Variants in PHLPP1 observed in about 807,000 individuals in gnomAD.
PHLPP1 encodes PH domain and leucine rich repeat protein phosphatase 1.
In PHLPP1, 42 loss-of-function variants were observed where a neutral mutation model predicts 117.2. That is an observed-to-expected ratio of 0.36 (90% confidence interval 0.28 to 0.46). The LOEUF (loss-of-function observed/expected upper bound fraction) is 0.46. Ranked by LOEUF, PHLPP1 falls within the 20% of genes least tolerant of loss-of-function variation. The pLI is 1.00. For missense variants in PHLPP1, 2,084 were observed against 2,241.9 expected, an observed-to-expected ratio of 0.93 and a Z score of 1.42; for synonymous variants, 1,042 against 970.7, an observed-to-expected ratio of 1.07 and a Z score of -1.37.
At position 62,716,731 on chromosome 18, in the gene PHLPP1, T is replaced by C. The variant is rs1910754653; in HGVS notation, c.1048T>C (p.Phe350Leu). ...GCCTGTGGTCTCCGACACCGAGAGC[T>C]TCAGTCTGAGTCCCAGCGCCGAGAG... ...PRPVVSDTES[F>L]SLSPSAESVS... is the part of the protein sequence containing the mutation. Residue 350 changes from phenylalanine (F) to leucine (L), a missense_variant, in exon 1 of 17, where the codon TTC (phenylalanine) becomes CTC (leucine). Physicochemically the swap from Phe to Leu is conservative, Grantham distance 22. Around this residue, in one of 2 missense-constraint regions of PHLPP1, gnomAD observed 719 missense variants for 636.0 expected, o/e 1.13. Coordinates refer to ENST00000262719, the MANE Select transcript of PHLPP1 (RefSeq NM_194449.4). The surrounding 1 kb of genome is among the most constrained non-coding windows in gnomAD (Gnocchi z 5.7). 5 of 1,508,734 alleles carry C rather than the reference T, an allele frequency of 3.3e-6. No homozygotes were observed. The East Asian group carries it at 1.1e-4, about 33-fold the overall frequency. 93.5% of individuals were successfully genotyped at this position (1,508,734 alleles called of 1,614,324 possible). A position where few individuals can be genotyped will look rare whatever the true frequency, so the allele number is the denominator to read the frequency against.
chr18:62,956,343 G>A (rs1460648101), intron 12 of PHLPP1, among the ~76,000 whole-genome samples: 1 of 152,138 alleles, frequency 6.6e-6, no homozygotes, highest in Non-Finnish European at 1.5e-5. Context: ...AGCTGACTGG[G>A]CCTGTTTTAT....
At chr18:62,892,082 C>CTTTTTTTTTTT (rs200141250) in intron 4 of PHLPP1, among the ~76,000 whole-genome samples, 8 of 107,968 alleles carry the variant, frequency 7.4e-5, no homozygotes, top group African/African-American at 2.8e-4. Flanking sequence ...TTCTTTCTTT[C>CTTTTTTTTTTT]TTTTTTTTTT....
chr18:62,797,192 T>C (rs1913652199), intron 1 of PHLPP1, among the ~76,000 whole-genome samples: 1 of 152,220 alleles, frequency 6.6e-6, no homozygotes, highest in Non-Finnish European at 1.5e-5. Context: ...ACCAAAACTT[T>C]TTTTATTCCT....
At chr18:62,942,344 G>A (rs1172908323) in intron 11 of PHLPP1, among the ~76,000 whole-genome samples, 2 of 152,084 alleles carry the variant, frequency 1.3e-5, no homozygotes, top group Non-Finnish European at 2.9e-5. Flanking sequence ...AACATAGTGA[G>A]ACCCTATCTA....
At chr18:62,873,241 AG>A (rs1159737112) in intron 4 of PHLPP1, among the ~76,000 whole-genome samples, 1 of 152,222 alleles carries the variant, frequency 6.6e-6, no homozygotes, top group East Asian at 1.9e-4. Context: ...GTGTGTTTCC[AG>A]TAACTTTGTC....
rs1313295576 is a variant in PHLPP1 at position 62,716,099 on chromosome 18, C to T, written c.416C>T (p.Ser139Leu). 7 of 1,498,808 alleles carry T rather than the reference C, an allele frequency of 4.7e-6. No individual in the cohort carries two copies. Among genetic ancestry groups the T allele is most frequent in the South Asian group, 1.3e-5 (1 of 79,896 alleles). The allele number at this position is 1,498,808 out of a possible 1,614,324, so 92.8% of individuals were successfully genotyped here. A position where few individuals can be genotyped will look rare whatever the true frequency, so the allele number is the denominator to read the frequency against. Reference sequence around the variant, plus strand: ...TCCGCGGCCGCCGCGGCCGCCTCCTCGTCGTCGTCGTCCTCGGCCGCTGCT... The same window carrying T: ...TCCGCGGCCGCCGCGGCCGCCTCCTTGTCGTCGTCGTCCTCGGCCGCTGCT... The part of the protein sequence containing the change: ...NLSAAAAAAS[S>L]SSSSSAAAAS... The change falls in exon 1 of 17, where the codon TCG becomes TTG. Residue 139 changes from serine to leucine, a missense_variant. By Grantham distance (145) the Ser-to-Leu change is moderately radical. Coordinates refer to ENST00000262719, the MANE Select transcript of PHLPP1 (RefSeq NM_194449.4). The surrounding 1 kb of genome is among the most constrained non-coding windows in gnomAD (Gnocchi z 5.7).
At chr18:62,785,953 T>C (rs750815572) in intron 1 of PHLPP1, among the ~76,000 whole-genome samples, 21 of 152,212 alleles carry the variant, frequency 1.4e-4, no homozygotes, top group Non-Finnish European at 2.4e-4. Flanking sequence ...CATAGGGAGA[T>C]GACTACTTCC....
In PHLPP1 at chr18:62,717,155, A is replaced by G. The variant is rs779516167; in HGVS notation, c.1472A>G (p.Gln491Arg). 6.8e-6 allele frequency: 11 copies of G among 1,611,930 alleles called. No individual in the cohort carries two copies. Among genetic ancestry groups the G allele is most frequent in the Non-Finnish European group, 9.3e-6 (11 of 1,179,220 alleles). ...RRLEAEEKPL[Q>R]IQNDYLFQLG... is the part of the protein sequence containing the mutation. The stretch of plus-strand genomic sequence containing the variant: ...TTGGAGGCGGAGGAGAAGCCATTGC[A>G]GATCCAAAATGACTACCTCTTCCAA... Residue 491 changes from glutamine to arginine, a missense_variant, in exon 1 of 17, where the codon CAG (glutamine) becomes CGG (arginine). Physicochemically the swap from Gln to Arg is conservative, Grantham distance 43. Coordinates refer to ENST00000262719, the MANE Select transcript of PHLPP1 (RefSeq NM_194449.4).
chr18:62,784,025 AC>A (rs1463821611), intron 1 of PHLPP1, among the ~76,000 whole-genome samples: 1 of 151,044 alleles, frequency 6.6e-6, no homozygotes, highest in Non-Finnish European at 1.5e-5. Context: ...GTAACTCCAG[AC>A]CCAGGCTCAT....
chr18:62,929,555 T>C lies in PHLPP1; in HGVS notation c.2960+9441T>C, dbSNP rs538170669. 5.9e-5 allele frequency among the ~76,000 whole-genome samples: 9 copies of C among 151,956 alleles called. No homozygotes were observed. In the South Asian group the frequency reaches 1.9e-3, roughly 32 times the overall value. ...AACTAGTATATTTTAGCAAAAGGAATGATAGTGAGCATTTTGGTATATATA... is the reference window on the plus strand; with the variant it reads ...AACTAGTATATTTTAGCAAAAGGAACGATAGTGAGCATTTTGGTATATATA... On this transcript the variant is annotated intron_variant, in intron 10 of 16. Transcript: ENST00000262719.
At chr18:62,721,428 G>GT (rs1380250375) in intron 1 of PHLPP1, among the ~76,000 whole-genome samples, 18 of 149,958 alleles carry the variant, frequency 1.2e-4, no homozygotes, top group Admixed American at 5.3e-4. Flanking sequence ...TGAGGGGTGT[G>GT]GGTGTGTGTG....
At chr18:62,914,217 T>C (rs1436907242) in intron 8 of PHLPP1, among the ~76,000 whole-genome samples, 1 of 152,168 alleles carries the variant, frequency 6.6e-6, no homozygotes, top group Non-Finnish European at 1.5e-5. Flanking sequence ...CAGCTGGAGT[T>C]GGGAAATATT....
chr18:62,729,303 G>A (rs1911164916), intron 1 of PHLPP1, among the ~76,000 whole-genome samples: 1 of 152,184 alleles, frequency 6.6e-6, no homozygotes, highest in Non-Finnish European at 1.5e-5. Flanking sequence ...TAGGCTTTTA[G>A]TTGTGTTGCA....
In PHLPP1 at chr18:62,900,301, TAATAAATAAATAAATAAATAAATAAATA is replaced by T. The variant is rs142418645; in HGVS notation, c.2445-2640_2445-2613del. Among the ~76,000 whole-genome samples the T allele has an allele frequency of 2.6e-4, 37 of 144,754 alleles. No homozygotes were observed. In the South Asian group the frequency reaches 6.3e-3, roughly 25 times the overall value. The allele number at this position is 144,754 out of a possible 152,430, so 95.0% of individuals were successfully genotyped here. A position where few individuals can be genotyped will look rare whatever the true frequency, so the allele number is the denominator to read the frequency against. ...GACAGAGCAAGACTTTGCCTTAAAA[TAATAAATAAATAAATAAATAAATAAATA>T]AATAAATAAATAAATAAATAAAAAG... On this transcript the variant is annotated intron_variant, in intron 6 of 16. Coordinates refer to ENST00000262719, the MANE Select transcript of PHLPP1 (RefSeq NM_194449.4).
chr18:62,953,218 A>C (rs1281640699), intron 12 of PHLPP1, among the ~76,000 whole-genome samples: 1 of 152,130 alleles, frequency 6.6e-6, no homozygotes, highest in East Asian at 1.9e-4. Flanking sequence ...AGTGTAGACT[A>C]CTTCTGTATG....
At chr18:62,943,795 C>A (rs893213780) in intron 11 of PHLPP1, among the ~76,000 whole-genome samples, 3 of 152,070 alleles carry the variant, frequency 2.0e-5, no homozygotes, top group Non-Finnish European at 4.4e-5. Flanking sequence ...ACAAATAATC[C>A]AAACCGTATC....
intron 4 of PHLPP1, among the ~76,000 whole-genome samples, chr18:62,878,961 G>A (rs894959452): frequency 1.3e-5 from 2 of 152,108 alleles, no homozygotes; most frequent in African/African-American, 4.8e-5. Context: ...CAACCACAGG[G>A]CTTCTTTCTC....
chr18:62,778,968 C>T (rs559740989), intron 1 of PHLPP1, among the ~76,000 whole-genome samples: 3 of 152,352 alleles, frequency 2.0e-5, no homozygotes, highest in African/African-American at 7.2e-5. Context: ...ATGTTAGTGG[C>T]TGGAGTAATA....
chr18:62,744,183 C>T (rs968777474), intron 1 of PHLPP1, among the ~76,000 whole-genome samples: 2 of 152,182 alleles, frequency 1.3e-5, no homozygotes, highest in African/African-American at 2.4e-5. Flanking sequence ...TCTGGGCACC[C>T]CAGCTTCTGT....
Sources: allele counts gnomAD v4.1 joint callset (sites outside exome capture counted in the v4.1 genomes callset), GRCh38; gene constraint gnomAD v4.1.1; regional missense constraint gnomAD v4.1.1; non-coding constraint Gnocchi (gnomAD v3.1); transcripts MANE v1.5; gene names NCBI Gene and HGNC (gene_info 2026-07-23, HGNC 2026-07-21).